PLCB1: variants seen among roughly 807,000 people sequenced by gnomAD.
PLCB1 encodes the protein phospholipase C beta 1, also known as 1-phosphatidylinositol 4,5-bisphosphate phosphodiesterase beta-1.
PLCB1 carries 46 observed loss-of-function variants against 161.8 expected under a neutral mutation model. That is an observed-to-expected ratio of 0.28 (90% CI 0.22 to 0.36). PLCB1 has a LOEUF of 0.36. PLCB1 is among the 10% of genes least tolerant of loss of function. The probability of loss-of-function intolerance (pLI) is 1.00; values close to 1 mark genes in which losing one functional copy is unlikely to be tolerated. For missense variants in PLCB1, 1,016 were observed against 1,472.5 expected (o/e 0.69, Z 5.07); for synonymous variants, 517 against 503.7 (o/e 1.03, Z -0.35).
At chr20:8,218,840 T>C (rs1382800165) in intron 2 of PLCB1, among the ~76,000 whole-genome samples, 3 of 152,106 alleles carry the variant, frequency 2.0e-5, no homozygotes, top group East Asian at 3.9e-4. Flanking sequence ...TTCTAGCAGA[T>C]ATTTATGCAG....
intron 3 of PLCB1, among the ~76,000 whole-genome samples, chr20:8,464,607 G>GCA (rs1429187943): frequency 6.6e-6 from 1 of 152,194 alleles, no homozygotes; most frequent in South Asian, 2.1e-4. Flanking sequence ...CAACCTGGAT[G>GCA]ACTCAGCAGG....
In PLCB1 at chr20:8,644,815, G is replaced by A. The variant is rs543402439; in HGVS notation, c.385-1287G>A. On this transcript the variant is annotated intron_variant, in intron 4 of 31. Transcript: ENST00000338037. ...GGCCCCTCTGCTCGGCCACCACCCC[G>A]TCTGGGAGGTGTACCCAACAGCTCA... is the stretch of plus-strand genomic sequence containing the variant. Among the ~76,000 whole-genome samples the A allele has an allele frequency of 7.4e-3, 1,132 of 152,232 alleles. 16 individuals carry two copies. Among genetic ancestry groups the A allele is most frequent in the African/African-American group, 0.026 (1,080 of 41,556 alleles).
intron 2 of PLCB1, among the ~76,000 whole-genome samples, chr20:8,243,830 T>C (rs79171922): frequency 0.023 from 3,553 of 152,116 alleles, 150 homozygotes; most frequent in African/African-American, 0.08. Context: ...TGTTTTCTAA[T>C]ACCACCAAAG....
chr20:8,588,227 A>T (rs1039950442), intron 3 of PLCB1, among the ~76,000 whole-genome samples: 36 of 152,136 alleles, frequency 2.4e-4, no homozygotes, highest in Admixed American at 1.7e-3. Context: ...CCTCCAGGGG[A>T]GGTGGGAAGA....
At chr20:8,318,457 T>C (rs530136972) in intron 2 of PLCB1, among the ~76,000 whole-genome samples, 1 of 134,450 alleles carries the variant, frequency 7.4e-6, no homozygotes, top group Non-Finnish European at 1.6e-5. Flanking sequence ...GCCCCCCCCC[T>C]TTTTCTTTGG....
intron 2 of PLCB1, among the ~76,000 whole-genome samples, chr20:8,254,322 C>T (rs2123229172): frequency 6.6e-6 from 1 of 152,008 alleles, no homozygotes; most frequent in African/African-American, 2.4e-5. Context: ...TTATACCCAC[C>T]TGGGAATAAT....
chr20:8,649,349 C>T, intron 6 of PLCB1, 25 bp from the exon 7 acceptor site: 1 of 1,579,776 alleles, frequency 6.3e-7, no homozygotes, highest in Non-Finnish European at 8.7e-7. Context: ...TTAAACCTCT[C>T]TCCTTTGTTG....
chr20:8,740,508 T>C, intron 22 of PLCB1, 60 bp downstream of exon 22: 1 of 972,290 alleles, frequency 1.0e-6, no homozygotes, highest in Admixed American at 2.8e-5. Flanking sequence ...TGAGTCACCA[T>C]ATATTTTTGG....
At chr20:8,282,694 T>A (rs958219988) in intron 2 of PLCB1, among the ~76,000 whole-genome samples, 1 of 151,754 alleles carries the variant, frequency 6.6e-6, no homozygotes, top group Non-Finnish European at 1.5e-5. Flanking sequence ...ATCAAAGGGG[T>A]TGGTAGATGT....
At chr20:8,217,479 G>A (rs1417831572) in intron 2 of PLCB1, among the ~76,000 whole-genome samples, 2 of 152,114 alleles carry the variant, frequency 1.3e-5, no homozygotes, top group Non-Finnish European at 2.9e-5. Context: ...CAGCACAGAG[G>A]CTTCCAGGTG....
At chr20:8,370,531 C>G (rs1986872298) in intron 2 of PLCB1, among the ~76,000 whole-genome samples, 1 of 152,170 alleles carries the variant, frequency 6.6e-6, no homozygotes, top group South Asian at 2.1e-4. Flanking sequence ...GCCACGAACA[C>G]CTCAAGGTTC....
intron 3 of PLCB1, among the ~76,000 whole-genome samples, chr20:8,425,487 T>C (rs1338568635): frequency 6.6e-6 from 1 of 152,074 alleles, no homozygotes; most frequent in African/African-American, 2.4e-5. Flanking sequence ...CAGTGTGGAT[T>C]CACCAGGTCT....
At chr20:8,692,476 C>A (rs1488595528) in intron 10 of PLCB1, among the ~76,000 whole-genome samples, 1 of 152,168 alleles carries the variant, frequency 6.6e-6, no homozygotes, top group Non-Finnish European at 1.5e-5. Context: ...AAGTAAATGA[C>A]ATACTTAACT....
intron 31 of PLCB1, among the ~76,000 whole-genome samples, chr20:8,875,935 C>G (rs985605441): frequency 6.6e-6 from 1 of 152,014 alleles, no homozygotes; most frequent in Non-Finnish European, 1.5e-5. Flanking sequence ...CTTTCCTTAA[C>G]TATATCAAAT....
chr20:8,293,753 C>CTA (rs1983496505), intron 2 of PLCB1, among the ~76,000 whole-genome samples: 1 of 152,122 alleles, frequency 6.6e-6, no homozygotes, highest in Admixed American at 6.6e-5. Flanking sequence ...GATCTGTGTA[C>CTA]TATGCTTTGA....
At chr20:8,296,548 G>A (rs969350675) in intron 2 of PLCB1, among the ~76,000 whole-genome samples, 1 of 152,130 alleles carries the variant, frequency 6.6e-6, no homozygotes, top group Non-Finnish European at 1.5e-5. Context: ...TTGTAGTTGT[G>A]AACAGTTGTC....
At chr20:8,377,474 C>T (rs1371978186) in intron 3 of PLCB1, among the ~76,000 whole-genome samples, 1 of 152,072 alleles carries the variant, frequency 6.6e-6, no homozygotes, top group African/African-American at 2.4e-5. Context: ...TTTGAAAGTT[C>T]CACTGGTGGC....
At position 8,647,936 on chromosome 20, in the gene PLCB1, G is replaced by A. The variant is rs768665264; in HGVS notation, c.501G>A (p.Gly167=). ...TTAAGCTGCAAGTCACTCCAGAAGG[G>A]CGTATTCCTCTCAAAAAGTAAGCTT... ...TKLKLQVTPE[G]RIPLKNIYRL... The change falls in exon 6 of 32, where the codon GGG becomes GGA. Residue 167 remains glycine (G), a synonymous_variant. Coordinates refer to ENST00000338037, the MANE Select transcript of PLCB1 (RefSeq NM_015192.4). 5 of 1,571,456 alleles carry A rather than the reference G, an allele frequency of 3.2e-6. No individual in the cohort carries two copies. Among genetic ancestry groups the A allele is most frequent in the Admixed American group, 2.1e-5 (1 of 47,916 alleles).
chr20:8,869,123 C>G (rs1366614044), intron 31 of PLCB1, among the ~76,000 whole-genome samples: 1 of 152,226 alleles, frequency 6.6e-6, no homozygotes, highest in African/African-American at 2.4e-5. Context: ...AGACTTAGAA[C>G]ATCTTTTGGT....
Sources: gnomAD v4.1 joint callset for allele counts (sites outside exome capture counted in the v4.1 genomes callset) on GRCh38, gnomAD v4.1.1 for gene constraint, MANE v1.5 for transcripts, NCBI Gene and HGNC (gene_info 2026-07-23, HGNC 2026-07-21) for gene names.